Variants in FYB2 observed in about 807,000 individuals in gnomAD.
FYB2 encodes the protein FYN-binding protein 2.
Under a neutral mutation model 94.1 loss-of-function variants are expected in FYB2, and 103 were observed. That is an observed-to-expected ratio of 1.09 (90% CI 0.93 to 1.29). The LOEUF is 1.29. Among genes scored for constraint, FYB2 ranks in the 50% most tolerant of loss-of-function variants. FYB2 has a pLI of 0.00. For missense variants in FYB2, 896 were observed against 841.5 expected (o/e 1.06, Z -0.80); for synonymous variants, 293 against 287.9 (o/e 1.02, Z -0.18).
In FYB2 at chr1:56,725,499, T is replaced by A. The variant is rs1220790228; in HGVS notation, c.1880+998A>T. The stretch of plus-strand genomic sequence containing the variant: ...AAAATTGTTTCCTAAGAAGACTTAT[T>A]TGTAGTTATCAACATACTAAAAAGC... On this transcript the variant is annotated intron_variant, in intron 16 of 19. Coordinates refer to ENST00000343433, the MANE Select transcript of FYB2 (RefSeq NM_001004303.5). 1.2e-4 allele frequency among the ~76,000 whole-genome samples: 18 copies of A among 152,072 alleles called. 1 individual carries two copies. Among genetic ancestry groups the A allele is most frequent in the Non-Finnish European group, 2.9e-5 (2 of 67,990 alleles).
At chr1:56,790,428 T>C (rs1020842934) in intron 2 of FYB2, among the ~76,000 whole-genome samples, 1 of 152,230 alleles carries the variant, frequency 6.6e-6, no homozygotes, top group Non-Finnish European at 1.5e-5. Context: ...TCAGAGTTTT[T>C]ACCAGGCACT....
intron 1 of FYB2, among the ~76,000 whole-genome samples, chr1:56,811,527 G>A (rs1410862267): frequency 6.6e-6 from 1 of 152,170 alleles, no homozygotes; most frequent in Non-Finnish European, 1.5e-5. Context: ...AGCCATTGTT[G>A]AGATGATGCC....
intron 15 of FYB2, 97 bp from the exon 16 acceptor site, chr1:56,726,680 T>G: frequency 1.0e-6 from 1 of 977,930 alleles, no homozygotes; most frequent in Non-Finnish European, 1.5e-6. Flanking sequence ...TACAAAAAAT[T>G]AAAAAGTCAT....
intron 8 of FYB2, among the ~76,000 whole-genome samples, 177 bp from the exon 9 acceptor site, chr1:56,751,380 A>G (rs960177435): frequency 7.9e-5 from 12 of 152,050 alleles, no homozygotes; most frequent in African/African-American, 2.4e-4. Flanking sequence ...TATATCCTTC[A>G]TTACCTCTGA....
At chr1:56,787,702 T>C (rs984544108) in intron 3 of FYB2, among the ~76,000 whole-genome samples, 11 of 152,172 alleles carry the variant, frequency 7.2e-5, no homozygotes, top group African/African-American at 2.4e-4. Context: ...ATTTTATAGA[T>C]AAGGAAAATG....
intron 1 of FYB2, among the ~76,000 whole-genome samples, chr1:56,801,837 C>T (rs1014049183): frequency 1.3e-5 from 2 of 152,218 alleles, no homozygotes; most frequent in African/African-American, 2.4e-5. Flanking sequence ...TCCCACTCCA[C>T]AGTTACTTGG....
intron 2 of FYB2, among the ~76,000 whole-genome samples, chr1:56,790,077 G>A (rs1462724976): frequency 6.6e-6 from 1 of 152,140 alleles, no homozygotes; most frequent in African/African-American, 2.4e-5. Flanking sequence ...AATCATATCT[G>A]CCCTTTACAG....
At position 56,792,051 on chromosome 1, in the gene FYB2, G is replaced by A. The variant is rs755365772; in HGVS notation, c.757+5C>T. The stretch of plus-strand genomic sequence containing the variant: ...CCCCTGTCCCATGGGGATCACGTTT[G>A]TTACCTGGGGCCTGACTGGCAAGCT... On this transcript the variant is annotated splice_donor_5th_base_variant and intron_variant, in intron 2 of 19. Transcript: ENST00000343433. 4 of 1,564,508 alleles carry A rather than the reference G, an allele frequency of 2.6e-6. No homozygotes were observed. In the South Asian group the frequency reaches 4.9e-5, roughly 19 times the overall value.
At chr1:56,790,118 A>G (rs905432755) in intron 2 of FYB2, among the ~76,000 whole-genome samples, 12 of 152,302 alleles carry the variant, frequency 7.9e-5, no homozygotes, top group Non-Finnish European at 1.6e-4. Context: ...ATGTAATCCA[A>G]CTGCTTTGAT....
the FYB2 span, chr1:56,826,692 T>C: frequency 1.3e-5 from 2 of 152,256 alleles, no homozygotes; most frequent in Admixed American, 1.3e-4. Flanking sequence ...ATTCATCCCA[T>C]AATTGGTCTT....
intron 15 of FYB2, among the ~76,000 whole-genome samples, chr1:56,727,153 T>C (rs1206415110): frequency 2.0e-5 from 3 of 152,098 alleles, no homozygotes; most frequent in Non-Finnish European, 4.4e-5. Flanking sequence ...TGTTAACTCA[T>C]TTGGTTTTCA....
intron 2 of FYB2, among the ~76,000 whole-genome samples, chr1:56,791,693 T>C (rs939797356): frequency 9.2e-5 from 14 of 151,950 alleles, no homozygotes; most frequent in African/African-American, 3.4e-4. Flanking sequence ...GCCTGAGAAA[T>C]TAGGAGAATA....
At position 56,791,620 on chromosome 1, in the gene FYB2, C is replaced by G. The variant is rs576829116; in HGVS notation, c.757+436G>C. 2.0e-5 allele frequency among the ~76,000 whole-genome samples: 3 copies of G among 152,142 alleles called. No individual in the cohort carries two copies. In the East Asian group the frequency reaches 5.8e-4, roughly 29 times the overall value. On this transcript the variant is annotated intron_variant, in intron 2 of 19. Coordinates refer to ENST00000343433, the MANE Select transcript of FYB2 (RefSeq NM_001004303.5). ...CTTGGTGGCAAAACCAAGAGCTTGC[C>G]GACAGATTCAGTGTGTAGAATGAGG...
chr1:56,814,015 G>A (rs1252082015), intron 1 of FYB2, among the ~76,000 whole-genome samples: 1 of 152,174 alleles, frequency 6.6e-6, no homozygotes, highest in African/African-American at 2.4e-5. Flanking sequence ...CTAGACCTGG[G>A]TCTGATCAAA....
chr1:56,821,835 A>C (rs1011180227), upstream of FYB2, among the ~76,000 whole-genome samples: 1 of 152,214 alleles, frequency 6.6e-6, no homozygotes, highest in African/African-American at 2.4e-5. Context: ...ATACATGACT[A>C]CATGGGAGGG....
Position 56,720,027 on chromosome 1 carries a change from A to C in FYB2, c.2160T>G (p.Asp720Glu). The change falls in exon 19 of 20, where the codon GAT becomes GAG. Residue 720 changes from aspartate to glutamate, a missense_variant. Transcript: ENST00000343433. ...KYGYVLIEHL[D>E]FKHQSWSP ...TATAAAATCAAACAGCTTACTTGAA[A>C]TCTAGATGTTCAATGAGCACATATC... 1 of 1,600,890 alleles carries C rather than the reference A, an allele frequency of 6.2e-7. No individual in the cohort carries two copies. The highest frequency in any genetic ancestry group is 8.5e-7 in the Non-Finnish European group (1 of 1,173,720).
At chr1:56,768,281 T>G (rs1645674365) in intron 4 of FYB2, among the ~76,000 whole-genome samples, 1 of 152,214 alleles carries the variant, frequency 6.6e-6, no homozygotes, top group South Asian at 2.1e-4. Context: ...GAAATCTTAA[T>G]GACTGGGCAG....
chr1:56,792,914 C>T (rs1333724816), intron 1 of FYB2, 111 bp from the exon 2 acceptor site: 1 of 1,121,604 alleles, frequency 8.9e-7, no homozygotes, highest in Non-Finnish European at 1.3e-6. Flanking sequence ...GATTAGATCT[C>T]ACTGATCTCA....
chr1:56,810,402 G>A (rs2101075773), intron 1 of FYB2, among the ~76,000 whole-genome samples: 2 of 100,244 alleles, frequency 2.0e-5, no homozygotes, highest in East Asian at 1.4e-3. Context: ...TCACTCCCCT[G>A]TTTCCCACCG....
Sources: gnomAD v4.1 joint callset for allele counts (sites outside exome capture counted in the v4.1 genomes callset) on GRCh38, gnomAD v4.1.1 for gene constraint, MANE v1.5 for transcripts, NCBI Gene and HGNC (gene_info 2026-07-23, HGNC 2026-07-21) for gene names.